The following KIAA0825 variants were observed in gnomAD, a reference collection of about 807,000 sequenced individuals.
KIAA0825 encodes uncharacterized protein KIAA0825.
Under a neutral mutation model 147.6 loss-of-function variants are expected in KIAA0825, and 119 were observed. The ratio of observed to expected loss-of-function variants is 0.81; its 90% CI spans 0.69 to 0.94. The LOEUF (loss-of-function observed/expected upper bound fraction) is 0.94, where lower values mean the gene tolerates loss of function less well. Ranked by LOEUF, KIAA0825 falls within the 40% of genes least tolerant of loss-of-function variation. The pLI is 0.00. For missense variants in KIAA0825, 1,381 were observed against 1,472.7 expected, an observed-to-expected ratio of 0.94 and a Z score of 1.02; for synonymous variants, 470 against 518.1, an observed-to-expected ratio of 0.91 and a Z score of 1.26.
intron 5 of KIAA0825, among the ~76,000 whole-genome samples, chr5:94,508,171 G>A (rs1356673973): frequency 6.6e-6 from 1 of 150,516 alleles, no homozygotes; most frequent in Non-Finnish European, 1.5e-5. Flanking sequence ...AAAATAATTA[G>A]TACTGCTGGA....
intron 20 of KIAA0825, among the ~76,000 whole-genome samples, chr5:94,223,430 C>T (rs1468862724): frequency 1.3e-5 from 2 of 152,152 alleles, no homozygotes; most frequent in Non-Finnish European, 2.9e-5. Context: ...TCATTTCAGT[C>T]CTGATGATGG....
chr5:94,176,361 C>A (rs1467779488), intron 20 of KIAA0825, among the ~76,000 whole-genome samples: 2 of 152,114 alleles, frequency 1.3e-5, no homozygotes, highest in Non-Finnish European at 2.9e-5. Context: ...CAATCTTAAA[C>A]CTTCTAGCAA....
At position 94,325,515 on chromosome 5, in the gene KIAA0825, T is replaced by A. The variant is rs1355125398; in HGVS notation, c.3710+58853A>T. Among the ~76,000 whole-genome samples, 4 of 152,054 alleles carry A rather than the reference T, an allele frequency of 2.6e-5. No individual in the cohort carries two copies. The East Asian group carries it at 5.8e-4, about 22-fold the overall frequency. On this transcript the variant is annotated intron_variant, in intron 20 of 20. Coordinates refer to ENST00000682413, the MANE Select transcript of KIAA0825 (RefSeq NM_001145678.3). ...TAGATGCAGAAATAATACACATAAA[T>A]CAAATATTCAGCATGTGCACATACA...
chr5:94,597,240 C>T (rs774038376), intron 1 of KIAA0825, among the ~76,000 whole-genome samples: 9 of 151,994 alleles, frequency 5.9e-5, no homozygotes, highest in Non-Finnish European at 8.8e-5. Flanking sequence ...CCATCAAGAA[C>T]ATTATCCAAA....
intron 20 of KIAA0825, among the ~76,000 whole-genome samples, chr5:94,260,483 C>T (rs908160056): frequency 2.6e-5 from 4 of 152,140 alleles, no homozygotes; most frequent in African/African-American, 9.7e-5. Flanking sequence ...GAAGCACTGT[C>T]AGTCTTCATA....
intron 5 of KIAA0825, among the ~76,000 whole-genome samples, chr5:94,513,211 T>A (rs1215441734): frequency 6.6e-6 from 1 of 152,190 alleles, no homozygotes; most frequent in Non-Finnish European, 1.5e-5. Context: ...GATAATTTAT[T>A]TTTCTAAGTC....
At chr5:94,330,148 T>C (rs561689876) in intron 20 of KIAA0825, among the ~76,000 whole-genome samples, 1 of 152,106 alleles carries the variant, frequency 6.6e-6, no homozygotes, top group Non-Finnish European at 1.5e-5. Context: ...AATGTGGTAG[T>C]ACTAAAAGGT....
chr5:94,227,152 G>A, intron 20 of KIAA0825, among the ~76,000 whole-genome samples: 1 of 152,198 alleles, frequency 6.6e-6, no homozygotes, highest in African/African-American at 2.4e-5. Context: ...CAACCCAAAT[G>A]TCCAACAATG....
At chr5:94,451,933 T>C (rs1298867747) in intron 13 of KIAA0825, among the ~76,000 whole-genome samples, 1 of 152,192 alleles carries the variant, frequency 6.6e-6, no homozygotes, top group Non-Finnish European at 1.5e-5. Flanking sequence ...CAATGAGTAT[T>C]AAGGAGTTGG....
Position 94,524,094 on chromosome 5 carries a change from T to C in KIAA0825, c.136A>G (p.Lys46Glu), listed in dbSNP as rs2044909. ...GACTGTATCTCTTTAATGCAATGTT[T>C]TATGCTATAAAAAACAGAAGAAAAA... is the stretch of plus-strand genomic sequence containing the variant. ...EKIEQNAASI[K>E]HCIKEIQSEI... is the part of the protein sequence containing the mutation. Residue 46 changes from lysine (K) to glutamate (E), a missense_variant, in exon 4 of 21, where the codon AAA (lysine) becomes GAA (glutamate). Coordinates refer to ENST00000682413, the MANE Select transcript of KIAA0825 (RefSeq NM_001145678.3). 0.02 allele frequency: 32,592 copies of C among 1,597,966 alleles called. 5,224 individuals carry two copies. In the African/African-American group the frequency reaches 0.37, roughly 18 times the overall value.
At chr5:94,470,763 A>G (rs920491453) in intron 9 of KIAA0825, among the ~76,000 whole-genome samples, 4 of 152,146 alleles carry the variant, frequency 2.6e-5, no homozygotes, top group African/African-American at 9.7e-5. Flanking sequence ...TTCTTTCATA[A>G]CTAACGGACT....
At chr5:94,292,566 C>G (rs1777947270) in intron 20 of KIAA0825, among the ~76,000 whole-genome samples, 9 of 152,082 alleles carry the variant, frequency 5.9e-5, no homozygotes, top group Admixed American at 5.2e-4. Flanking sequence ...GGATATTGGC[C>G]TGAAATTTTC....
chr5:94,415,172 C>T (rs940162844), intron 15 of KIAA0825: 2 of 152,018 alleles, frequency 1.3e-5, no homozygotes, highest in African/African-American at 4.8e-5. Context: ...GTCCTTTTAC[C>T]CTAAAATGAT....
At chr5:94,285,508 A>G (rs1014184898) in intron 20 of KIAA0825, among the ~76,000 whole-genome samples, 2 of 152,144 alleles carry the variant, frequency 1.3e-5, no homozygotes, top group African/African-American at 4.8e-5. Context: ...GAAAGATACA[A>G]AATTGCCCAT....
intron 3 of KIAA0825, among the ~76,000 whole-genome samples, chr5:94,530,218 C>T (rs1418952380): frequency 7.8e-6 from 1 of 128,514 alleles, no homozygotes; most frequent in Non-Finnish European, 1.5e-5. Flanking sequence ...TTGCAGTGAG[C>T]TGAGATTGCA....
At chr5:94,543,923 A>T (rs1292931162) in intron 2 of KIAA0825, among the ~76,000 whole-genome samples, 1 of 152,222 alleles carries the variant, frequency 6.6e-6, no homozygotes, top group East Asian at 1.9e-4. Flanking sequence ...GGCATGAATA[A>T]TCCACCCCTT....
intron 1 of KIAA0825, chr5:94,594,644 ATCT>A: frequency 1.6e-6 from 1 of 629,630 alleles, no homozygotes; most frequent in Admixed American, 2.4e-5. Flanking sequence ...TAAAAGGAAA[ATCT>A]TCTATGAAAA....
chr5:94,440,093 C>T lies in KIAA0825; in HGVS notation c.2386G>A (p.Glu796Lys), dbSNP rs566581427. 18 of 1,551,356 alleles carry T rather than the reference C, an allele frequency of 1.2e-5. No individual in the cohort carries two copies. The East Asian group carries it at 2.4e-4, about 21-fold the overall frequency. ...GATAAGAGCAGTTTCAACTGACCCT[C>T]GGCTTTCAGTCCTCCAGCTGATGGA... ...RTPSAGGLKA[E>K]GQLKLLLSQP... The change falls in exon 14 of 21, where the codon GAG (glutamate) becomes AAG (lysine). Residue 796 changes from glutamate to lysine, a missense_variant. Glu to Lys is a moderately conservative substitution (Grantham distance 56, BLOSUM62 1). Transcript: ENST00000682413.
chr5:94,201,879 G>T (rs1191315214), intron 20 of KIAA0825, among the ~76,000 whole-genome samples: 1 of 152,198 alleles, frequency 6.6e-6, no homozygotes, highest in East Asian at 1.9e-4. Flanking sequence ...GTGGGGGTCA[G>T]TGGATAGATA....
Sources: allele counts gnomAD v4.1 joint callset (sites outside exome capture counted in the v4.1 genomes callset), GRCh38; gene constraint gnomAD v4.1.1; transcripts MANE v1.5; gene names NCBI Gene and HGNC (gene_info 2026-07-23, HGNC 2026-07-21).